The following PTPRD variants were observed in gnomAD, a reference collection of about 807,000 sequenced individuals.
PTPRD encodes the protein receptor-type tyrosine-protein phosphatase delta.
PTPRD carries 34 observed loss-of-function variants against 214.5 expected under a neutral mutation model. The observed-to-expected ratio is 0.16, with a 90% CI of 0.12 to 0.21. PTPRD has a LOEUF of 0.21. Ranked by LOEUF, PTPRD falls within the 10% of genes least tolerant of loss-of-function variation. The probability of loss-of-function intolerance (pLI) is 1.00; values close to 1 mark genes in which losing one functional copy is unlikely to be tolerated. For missense variants in PTPRD, 2,545 were observed against 2,398.7 expected (o/e 1.06, Z -1.27); for synonymous variants, 1,128 against 845.7 (o/e 1.33, Z -5.79).
chr9:9,921,445 A>G (rs955296905), intron 5 of PTPRD, among the ~76,000 whole-genome samples: 1 of 152,112 alleles, frequency 6.6e-6, no homozygotes, highest in East Asian at 1.9e-4. Flanking sequence ...TTTAAGAGCT[A>G]TGACACTCAC....
chr9:10,436,261 T>G (rs1485831909), intron 2 of PTPRD, among the ~76,000 whole-genome samples: 1 of 151,866 alleles, frequency 6.6e-6, no homozygotes, highest in East Asian at 1.9e-4. Context: ...TGAATATATA[T>G]GTATATGTAT....
chr9:10,393,698 A>AAT (rs2098115770), intron 2 of PTPRD, among the ~76,000 whole-genome samples: 1 of 146,814 alleles, frequency 6.8e-6, no homozygotes, highest in South Asian at 2.1e-4. Context: ...ATATATATAT[A>AAT]ATATATATAA....
chr9:9,675,781 TC>T (rs1327073846), intron 7 of PTPRD, among the ~76,000 whole-genome samples: 1 of 151,964 alleles, frequency 6.6e-6, no homozygotes, highest in East Asian at 1.9e-4. Flanking sequence ...TTTAAAAGCG[TC>T]CCAATTCATT....
At chr9:8,587,852 T>C (rs916233923) in intron 14 of PTPRD, among the ~76,000 whole-genome samples, 9 of 152,366 alleles carry the variant, frequency 5.9e-5, no homozygotes, top group Non-Finnish European at 1.2e-4. Flanking sequence ...ATTTTCTGAA[T>C]GTCTGTTTCC....
intron 11 of PTPRD, among the ~76,000 whole-genome samples, chr9:8,794,351 A>G (rs185793119): frequency 2.6e-5 from 4 of 152,198 alleles, no homozygotes; most frequent in Non-Finnish European, 5.9e-5. Context: ...AGCCCATTTT[A>G]CATACTGCTG....
chr9:8,650,479 C>T (rs1023396595), intron 12 of PTPRD, among the ~76,000 whole-genome samples: 2 of 145,958 alleles, frequency 1.4e-5, no homozygotes, highest in Non-Finnish European at 3.0e-5. Flanking sequence ...GAGCCGAGAT[C>T]GTGTCATTGC....
chr9:8,883,945 C>G (rs1331911241), intron 11 of PTPRD, among the ~76,000 whole-genome samples: 1 of 152,148 alleles, frequency 6.6e-6, no homozygotes, highest in South Asian at 2.1e-4. Context: ...TGAAGAGAGA[C>G]ACTATTAGAA....
chr9:9,923,318 A>G (rs1454598881), intron 5 of PTPRD, among the ~76,000 whole-genome samples: 1 of 151,886 alleles, frequency 6.6e-6, no homozygotes, highest in African/African-American at 2.4e-5. Context: ...AAATCTATCA[A>G]AAGTTAAAAG....
At chr9:8,585,413 C>T (rs1293796708) in intron 14 of PTPRD, among the ~76,000 whole-genome samples, 1 of 152,154 alleles carries the variant, frequency 6.6e-6, no homozygotes, top group Non-Finnish European at 1.5e-5. Flanking sequence ...ATAGTCACTA[C>T]TTTGTTTTTA....
chr9:9,579,708 T>C (rs890634225), intron 7 of PTPRD, among the ~76,000 whole-genome samples: 4 of 152,126 alleles, frequency 2.6e-5, no homozygotes, highest in African/African-American at 9.7e-5. Context: ...GAGATACAGA[T>C]TGTTTGTGTA....
At chr9:9,973,708 G>A (rs2095242550) in intron 4 of PTPRD, among the ~76,000 whole-genome samples, 1 of 152,150 alleles carries the variant, frequency 6.6e-6, no homozygotes, top group African/African-American at 2.4e-5. Context: ...GAGCTTAGGA[G>A]CAAGTACTTT....
chr9:10,182,259 C>CAG (rs1322774824), intron 3 of PTPRD, among the ~76,000 whole-genome samples: 1 of 54,442 alleles, frequency 1.8e-5, no homozygotes, highest in Non-Finnish European at 3.4e-5. Context: ...GACTCTGCCT[C>CAG]AAAAAAAAAA....
intron 23 of PTPRD, among the ~76,000 whole-genome samples, chr9:8,501,275 T>G (rs1160041855): frequency 1.3e-5 from 2 of 152,098 alleles, no homozygotes; most frequent in African/African-American, 2.4e-5. Flanking sequence ...CAAAAATAAT[T>G]GTTAAATAAT....
intron 5 of PTPRD, among the ~76,000 whole-genome samples, chr9:9,881,313 C>A (rs1213039426): frequency 6.6e-6 from 1 of 152,120 alleles, no homozygotes; most frequent in Non-Finnish European, 1.5e-5. Context: ...ACTCTACCAT[C>A]AATTTATTTC....
At chr9:8,370,205 T>TAC (rs760579063) in intron 39 of PTPRD, among the ~76,000 whole-genome samples, 1,322 of 63,346 alleles carry the variant, frequency 0.021, 4 homozygotes, top group Middle Eastern at 0.051. Context: ...CACATATATA[T>TAC]ATACACACAC....
At chr9:8,341,420 C>G (rs1045781712) in intron 40 of PTPRD, 152 bp from the exon 41 acceptor site, 1 of 889,304 alleles carries the variant, frequency 1.1e-6, no homozygotes. Flanking sequence ...CTTTTCACAT[C>G]TACCTAATCA....
rs187677127 is a variant in PTPRD, at chr9:8,329,657, G to T, written c.5534+1925C>A. Among the ~76,000 whole-genome samples, 333 of 152,248 alleles carry T rather than the reference G, an allele frequency of 2.2e-3. 1 individual carries two copies. The highest frequency in any genetic ancestry group is 7.6e-3 in the African/African-American group (317 of 41,574). On this transcript the variant is annotated intron_variant, in intron 44 of 45. Coordinates refer to ENST00000381196, the MANE Select transcript of PTPRD (RefSeq NM_002839.4). Reference sequence around the variant, plus strand: ...GGTGCTTTGTCCCAGTGAGATGGGGGTTTTATCTGTAAGTAAGTCTGTGAT... The same window carrying T: ...GGTGCTTTGTCCCAGTGAGATGGGGTTTTTATCTGTAAGTAAGTCTGTGAT...
At chr9:9,488,317 G>C (rs1471563076) in intron 8 of PTPRD, among the ~76,000 whole-genome samples, 2 of 152,090 alleles carry the variant, frequency 1.3e-5, no homozygotes, top group African/African-American at 2.4e-5. Flanking sequence ...TGTATTAGTG[G>C]TCTACAATTT....
At chr9:9,439,584 A>C (rs2086701210) in intron 8 of PTPRD, among the ~76,000 whole-genome samples, 1 of 152,178 alleles carries the variant, frequency 6.6e-6, no homozygotes, top group South Asian at 2.1e-4. Context: ...CAGCCCTTTC[A>C]GCCCCCAGAT....
Sources: gnomAD v4.1 joint callset for allele counts (sites outside exome capture counted in the v4.1 genomes callset) on GRCh38, gnomAD v4.1.1 for gene constraint, MANE v1.5 for transcripts, NCBI Gene and HGNC (gene_info 2026-07-23, HGNC 2026-07-21) for gene names.